FXYD3: variants seen among roughly 807,000 people sequenced by gnomAD.
FXYD3 encodes the protein FXYD domain containing ion transport regulator 3.
A neutral mutation model predicts 19.2 loss-of-function variants in FXYD3; 13 were observed. The ratio of observed to expected loss-of-function variants is 0.68; its 90% CI spans 0.44 to 1.08. The LOEUF (loss-of-function observed/expected upper bound fraction) is 1.08, where lower values mean the gene tolerates loss of function less well. Ranked by LOEUF, FXYD3 falls within the 50% of genes least tolerant of loss-of-function variation. The probability of loss-of-function intolerance (pLI) is 0.00; values close to 1 mark genes in which losing one functional copy is unlikely to be tolerated. For synonymous variants in FXYD3, 48 were observed against 38.9 expected (o/e 1.23, Z -0.87); for missense variants, 101 against 109.4 (o/e 0.92, Z 0.34).
chr19:35,123,405 T>C (rs538543270), intron 8 of FXYD3, 36 bp from the exon 9 acceptor site: 4 of 1,613,860 alleles, frequency 2.5e-6, no homozygotes, highest in Non-Finnish European at 3.4e-6. Flanking sequence ...AAGAACTCAA[T>C]CCACCCTCAC....
intron 3 of FXYD3, among the ~76,000 whole-genome samples, chr19:35,120,770 C>A (rs2065024017): frequency 6.6e-6 from 1 of 152,176 alleles, no homozygotes; most frequent in Non-Finnish European, 1.5e-5. Context: ...GAAAAGTCCC[C>A]CGCTGCTGCA....
intron 2 of FXYD3, chr19:35,117,294 C>T: frequency 6.6e-7 from 1 of 1,508,326 alleles, no homozygotes; most frequent in Non-Finnish European, 8.9e-7. Context: ...TCAGTCTTGG[C>T]TGGATGACAT....
chr19:35,116,542 C>G, intron 2 of FXYD3, 183 bp downstream of exon 2: 1 of 985,454 alleles, frequency 1.0e-6, no homozygotes, highest in Non-Finnish European at 1.2e-6. Flanking sequence ...TCCCTTTCCC[C>G]ACCATTCTCC....
At chr19:35,122,878 T>C (rs867872943) in intron 6 of FXYD3, 39 bp downstream of exon 6, 1 of 1,613,770 alleles carries the variant, frequency 6.2e-7, no homozygotes, top group Non-Finnish European at 8.5e-7. Flanking sequence ...GGGCCGGGGC[T>C]GGGGCTCCCC....
At chr19:35,119,017 G>T in intron 2 of FXYD3, 2 of 665,156 alleles carry the variant, frequency 3.0e-6, no homozygotes, top group Non-Finnish European at 5.4e-6. Flanking sequence ...TTCCTGGCTA[G>T]AGCACCTAGT....
intron 2 of FXYD3, chr19:35,117,160 C>T (rs1310086423): frequency 2.2e-6 from 3 of 1,366,146 alleles, no homozygotes; most frequent in Non-Finnish European, 1.9e-6. Context: ...AGCCCACAGC[C>T]TCTTCAGACA....
chr19:35,119,644 TTTTTTTTTGGC>T (rs1368264067), intron 3 of FXYD3: 10 of 450,588 alleles, frequency 2.2e-5, no homozygotes, highest in African/African-American at 2.7e-5. Flanking sequence ...CGATCTCTTC[TTTTTTTTTGGC>T]TTTTTTTGTT....
At chr19:35,123,238 C>T (rs374114255) in intron 7 of FXYD3, 33 bp from the exon 8 acceptor site, 68 of 1,560,750 alleles carry the variant, frequency 4.4e-5, no homozygotes, top group Middle Eastern at 2.3e-4. Flanking sequence ...CAAATGGGGG[C>T]GGACACCAAT....
In FXYD3 at chr19:35,121,330, C is replaced by A. The variant is rs202177696; in HGVS notation, c.97+85C>A. On this transcript the variant is annotated intron_variant, in intron 5 of 8. Coordinates refer to ENST00000604404, the MANE Select transcript of FXYD3 (RefSeq NM_005971.4). ...GTTCCCATACAGGGTTGGGGCCTGA[C>A]GTGAGCATCACAGGACAAAGATACG... The A allele has an allele frequency of 6.0e-5, 97 of 1,614,052 alleles. 2 individuals carry two copies. The East Asian group carries it at 2.1e-3, about 36-fold the overall frequency.
intron 7 of FXYD3, 127 bp from the exon 8 acceptor site, chr19:35,123,144 G>A (rs967992687): frequency 1.3e-6 from 2 of 1,487,416 alleles, no homozygotes; most frequent in Non-Finnish European, 8.9e-7. Context: ...TTTGGCCCCT[G>A]GGATTGCACA....
rs78033661 is a variant in FXYD3, at chr19:35,119,654, G to T, written c.40+238G>T. On this transcript the variant is annotated intron_variant, in intron 3 of 8. Transcript: ENST00000604404. ...TCTCTCGATCTCTTCTTTTTTTTTG[G>T]CTTTTTTTGTTTTTGTTTTTGTTTT... 3.0e-3 allele frequency: 375 copies of T among 124,502 alleles called. 2 individuals are homozygous for T. The Middle Eastern group carries it at 0.033, about 11-fold the overall frequency. The allele number at this position is 124,502 out of a possible 1,614,324, so 7.7% of individuals were successfully genotyped here.
At chr19:35,123,189 T>C (rs2065087558) in intron 7 of FXYD3, 82 bp from the exon 8 acceptor site, 1 of 1,518,600 alleles carries the variant, frequency 6.6e-7, no homozygotes, top group African/African-American at 1.4e-5. Flanking sequence ...GGAAGACATG[T>C]CTGGGCAGGC....
In FXYD3 at chr19:35,121,203, C is replaced by A. The variant is rs751302827; in HGVS notation, c.74-19C>A. ...CTGGCTGTAATCCTGGATTCATGAT[C>A]TTTTTTCTTTCCTTGCAGATAAAAA... On this transcript the variant is annotated intron_variant, in intron 4 of 8. Coordinates refer to ENST00000604404, the MANE Select transcript of FXYD3 (RefSeq NM_005971.4). The A allele has an allele frequency of 2.5e-6, 4 of 1,613,990 alleles. No homozygotes were observed. The African/African-American group carries it at 5.3e-5, about 22-fold the overall frequency.
At chr19:35,119,283 G>T (rs1568384568) in intron 2 of FXYD3, 80 bp from the exon 3 acceptor site, 1 of 1,610,364 alleles carries the variant, frequency 6.2e-7, no homozygotes, top group East Asian at 2.2e-5. Context: ...GGGAGCAGGG[G>T]AGGAGGGTTG....
intron 2 of FXYD3, 21 bp downstream of exon 2, chr19:35,116,380 C>G: frequency 2.0e-6 from 2 of 985,502 alleles, no homozygotes; most frequent in South Asian, 4.7e-5. Context: ...GGGGCCCCTT[C>G]CTCCAAGCCC....
chr19:35,119,194 C>A, intron 2 of FXYD3, 169 bp from the exon 3 acceptor site: 1 of 1,567,334 alleles, frequency 6.4e-7, no homozygotes, highest in Non-Finnish European at 8.7e-7. Context: ...GTCCCCACTC[C>A]ACGGTGCAGC....
At chr19:35,123,113 GGGCCCCAAATCCTGAAATGCTTT>G in intron 7 of FXYD3, 135 bp from the exon 8 acceptor site, 4 of 1,462,960 alleles carry the variant, frequency 2.7e-6, no homozygotes, top group Non-Finnish European at 3.6e-6. Flanking sequence ...AATCCCCAGG[GGGCCCCAAATCCTGAAATGCTTT>G]GGCCCCTGGG....
chr19:35,120,668 G>A (rs1168503781), intron 3 of FXYD3, among the ~76,000 whole-genome samples: 3 of 152,128 alleles, frequency 2.0e-5, no homozygotes, highest in Non-Finnish European at 4.4e-5. Context: ...AGGTGGGTGT[G>A]GACATGGTGG....
At chr19:35,122,978 C>T (rs147137337) in intron 7 of FXYD3, 24 bp downstream of exon 7, 37 of 1,556,554 alleles carry the variant, frequency 2.4e-5, no homozygotes, top group South Asian at 4.9e-5. Flanking sequence ...CCGGCATGCC[C>T]GCCTCAGGCT....
Sources: gnomAD v4.1 joint callset for allele counts (sites outside exome capture counted in the v4.1 genomes callset) on GRCh38, gnomAD v4.1.1 for gene constraint, MANE v1.5 for transcripts, NCBI Gene and HGNC (gene_info 2026-07-23, HGNC 2026-07-21) for gene names.